The following ADAM19 variants were observed in gnomAD, a reference collection of about 807,000 sequenced individuals.
ADAM19 encodes disintegrin and metalloproteinase domain-containing protein 19.
ADAM19 carries 65 observed loss-of-function variants against 114.7 expected under a neutral mutation model. That is an observed-to-expected ratio of 0.57 (90% CI 0.46 to 0.70). ADAM19 has a LOEUF of 0.70. ADAM19 is among the 30% of genes least tolerant of loss of function. ADAM19 has a pLI of 0.00. For synonymous variants in ADAM19, 466 were observed against 460.5 expected, an observed-to-expected ratio of 1.01 and a Z score of -0.15; for missense variants, 1,063 against 1,204.7, an observed-to-expected ratio of 0.88 and a Z score of 1.74.
At chr5:157,509,820 T>C (rs1755860426) in intron 8 of ADAM19, among the ~76,000 whole-genome samples, 2 of 152,238 alleles carry the variant, frequency 1.3e-5, no homozygotes, top group African/African-American at 2.4e-5. Flanking sequence ...TGAATAGGTC[T>C]ATCATGTGGA....
chr5:157,504,407 C>T (rs1044311999), intron 11 of ADAM19, among the ~76,000 whole-genome samples: 4 of 152,108 alleles, frequency 2.6e-5, no homozygotes, highest in African/African-American at 9.7e-5. Flanking sequence ...TGCACCACCA[C>T]GCCCAGCTAA....
At chr5:157,526,828 C>G (rs1484913912) in intron 5 of ADAM19, among the ~76,000 whole-genome samples, 1 of 152,056 alleles carries the variant, frequency 6.6e-6, no homozygotes, top group Non-Finnish European at 1.5e-5. Flanking sequence ...GCCATGTCGG[C>G]CAGGTTGGTC....
At chr5:157,514,858 A>G (rs1340064471) in intron 7 of ADAM19, among the ~76,000 whole-genome samples, 2 of 152,220 alleles carry the variant, frequency 1.3e-5, no homozygotes, top group Admixed American at 6.5e-5. Flanking sequence ...TGTCCTGTAC[A>G]CTGCCATTGT....
chr5:157,524,788 G>C (rs909397510), intron 5 of ADAM19, among the ~76,000 whole-genome samples: 1 of 152,182 alleles, frequency 6.6e-6, no homozygotes, highest in Non-Finnish European at 1.5e-5. Context: ...TAATAACACT[G>C]CCCATCTCAC....
intron 3 of ADAM19, among the ~76,000 whole-genome samples, chr5:157,560,048 G>A (rs1270462993): frequency 6.6e-6 from 1 of 151,702 alleles, no homozygotes; most frequent in Non-Finnish European, 1.5e-5. Context: ...GGCGGATCAC[G>A]AGGTCAGGAG....
rs1051823563 is a variant in ADAM19 at position 157,495,643 on chromosome 5, AT to A, written c.1595-849del. ...AAGAATGGAAGCATATTCTTTTTTT[AT>A]TTTTTTTGAGACAGAGTCTTGCTCT... On this transcript the variant is annotated intron_variant, in intron 14 of 22. Transcript: ENST00000257527. Among the ~76,000 whole-genome samples, 53 of 151,428 alleles carry A rather than the reference AT, an allele frequency of 3.5e-4. No individual in the cohort carries two copies. In the South Asian group the frequency reaches 0.01, roughly 29 times the overall value.
intron 8 of ADAM19, among the ~76,000 whole-genome samples, chr5:157,512,443 T>A (rs1365282505): frequency 6.6e-6 from 1 of 152,194 alleles, no homozygotes; most frequent in Admixed American, 6.5e-5. Context: ...ATGTTATGAG[T>A]ATTCTAAAAT....
At chr5:157,501,709 T>G (rs1475882254) in intron 12 of ADAM19, among the ~76,000 whole-genome samples, 3 of 152,096 alleles carry the variant, frequency 2.0e-5, no homozygotes, top group Admixed American at 1.3e-4. Context: ...GTTCTTGTTT[T>G]ATTCTGAAAG....
At chr5:157,502,262 C>T (rs1297242034) in intron 12 of ADAM19, among the ~76,000 whole-genome samples, 1 of 152,184 alleles carries the variant, frequency 6.6e-6, no homozygotes, top group Non-Finnish European at 1.5e-5. Flanking sequence ...CTGCCGTGTA[C>T]CCTCCACACT....
At chr5:157,513,404 C>T (rs1379578959) in intron 8 of ADAM19, 30 bp downstream of exon 8, 3 of 1,611,072 alleles carry the variant, frequency 1.9e-6, no homozygotes, top group Admixed American at 3.3e-5. Context: ...CACCTGGCAC[C>T]TTTCCCACAA....
Position 157,513,484 on chromosome 5 carries a change from G to T in ADAM19, c.688C>A (p.Gln230Lys). 6.2e-7 allele frequency: 1 copy of T among 1,614,016 alleles called. No individual in the cohort carries two copies. Among genetic ancestry groups the T allele is most frequent in the Non-Finnish European group, 8.5e-7 (1 of 1,179,924 alleles). Residue 230 changes from glutamine (Q) to lysine (K), a missense_variant, in exon 8 of 23, where the codon CAG (glutamine) becomes AAG (lysine). Physicochemically the swap from Gln to Lys is moderately conservative, Grantham distance 53. Around this residue, in one of 3 missense-constraint regions of ADAM19, gnomAD observed 615 missense variants for 706.3 expected, o/e 0.87. Coordinates refer to ENST00000257527, the MANE Select transcript of ADAM19 (RefSeq NM_033274.5). ...YLEFQKNRRD[Q>K]DATKHKLIEI... is the part of the protein sequence containing the mutation. ...ATGAGCTTGTGTTTGGTGGCGTCCT[G>T]GTCTCGTCGATTCTTCTGAAACTAA...
At chr5:157,555,984 G>A (rs1757355561) in intron 3 of ADAM19, among the ~76,000 whole-genome samples, 1 of 151,980 alleles carries the variant, frequency 6.6e-6, no homozygotes, top group East Asian at 1.9e-4. Flanking sequence ...TGTATTTAGG[G>A]CCCATCCAGG....
At chr5:157,519,482 G>T (rs578207567) in intron 6 of ADAM19, among the ~76,000 whole-genome samples, 2 of 151,970 alleles carry the variant, frequency 1.3e-5, no homozygotes, top group African/African-American at 4.8e-5. Flanking sequence ...ATGGGGTTTC[G>T]CCATGTTGCC....
intron 2 of ADAM19, chr5:157,568,441 G>C (rs1044757824): frequency 2.0e-5 from 3 of 152,168 alleles, no homozygotes; most frequent in African/African-American, 7.2e-5. Context: ...TTTCTGTCCG[G>C]CTCTACTGAT....
At chr5:157,540,049 C>CA (rs1196169744) in intron 3 of ADAM19, among the ~76,000 whole-genome samples, 2 of 152,206 alleles carry the variant, frequency 1.3e-5, no homozygotes, top group East Asian at 1.9e-4. Flanking sequence ...TCCTCTTACA[C>CA]AAAAAAGAGG....
rs201773615 is a variant in ADAM19, at chr5:157,494,752, C to A, written c.1638G>T (p.Val546=). ...CACAGTTTCCAAAGGTGTCTCCTGC[C>A]ACATTCACCTTCTCGAAGCAGAGGT... is the stretch of plus-strand genomic sequence containing the variant. ...APDLCFEKVN[V]AGDTFGNCGK... The change falls in exon 15 of 23, where the codon GTG becomes GTT. Residue 546 remains valine (V), a synonymous_variant. Coordinates refer to ENST00000257527, the MANE Select transcript of ADAM19 (RefSeq NM_033274.5). The A allele has an allele frequency of 1.2e-5, 20 of 1,613,908 alleles. No individual in the cohort carries two copies. In the Admixed American group the frequency reaches 3.3e-4, roughly 27 times the overall value.
At position 157,564,370 on chromosome 5, in the gene ADAM19, T is replaced by C. The variant is rs781763188; in HGVS notation, c.251+3A>G. 6.2e-7 allele frequency: 1 copy of C among 1,613,822 alleles called. No homozygotes were observed. The highest frequency in any genetic ancestry group is 2.2e-5 in the East Asian group (1 of 44,878). Reference sequence around the variant, plus strand: ...ATTTTAGACAAAGGAGGAGTCCACTTACTCATTCTTCTCCAGGTCCAGGAT... The same window carrying C: ...ATTTTAGACAAAGGAGGAGTCCACTCACTCATTCTTCTCCAGGTCCAGGAT... On this transcript the variant is annotated splice_donor_region_variant and intron_variant, in intron 3 of 22. Coordinates refer to ENST00000257527, the MANE Select transcript of ADAM19 (RefSeq NM_033274.5).
At chr5:157,503,148 A>G (rs1755621828) in intron 11 of ADAM19, among the ~76,000 whole-genome samples, 168 bp from the exon 12 acceptor site, 1 of 152,172 alleles carries the variant, frequency 6.6e-6, no homozygotes, top group African/African-American at 2.4e-5. Flanking sequence ...TTACCAATAC[A>G]TTAATTTAGA....
intron 11 of ADAM19, 115 bp from the exon 12 acceptor site, chr5:157,503,095 C>A (rs1305054795): frequency 3.6e-6 from 3 of 839,592 alleles, no homozygotes; most frequent in Non-Finnish European, 5.7e-6. Context: ...TGGGTTCAGA[C>A]CCCCATTGTC....
Sources: allele counts gnomAD v4.1 joint callset (sites outside exome capture counted in the v4.1 genomes callset), GRCh38; gene constraint gnomAD v4.1.1; regional missense constraint gnomAD v4.1.1; transcripts MANE v1.5; gene names NCBI Gene and HGNC (gene_info 2026-07-23, HGNC 2026-07-21).